CNTN1: variants seen among roughly 807,000 people sequenced by gnomAD.
The protein encoded by CNTN1 is contactin 1.
In CNTN1, 38 loss-of-function variants were observed where a neutral mutation model predicts 126.4. That is an observed-to-expected ratio of 0.30 (90% CI 0.23 to 0.39). CNTN1 has a LOEUF of 0.39. CNTN1 is among the 10% of genes least tolerant of loss of function. CNTN1 has a pLI of 1.00. For missense variants in CNTN1, 1,009 were observed against 1,248.4 expected (o/e 0.81, Z 2.89); for synonymous variants, 413 against 422.6 (o/e 0.98, Z 0.28).
intron 17 of CNTN1, among the ~76,000 whole-genome samples, chr12:41,003,423 C>T (rs1948414360): frequency 6.6e-6 from 1 of 151,852 alleles, no homozygotes; most frequent in Admixed American, 6.6e-5. Flanking sequence ...TGTTGTATTT[C>T]TGCCTGGTTT....
chr12:40,999,975 G>A (rs11179395), intron 17 of CNTN1, among the ~76,000 whole-genome samples: 38,530 of 151,928 alleles, frequency 0.25, 5,332 homozygotes, highest in South Asian at 0.34. Flanking sequence ...CAAAGTGCTA[G>A]ATTACAGATG....
At chr12:40,842,414 G>A (rs75682310) in intron 1 of CNTN1, among the ~76,000 whole-genome samples, 3,152 of 152,018 alleles carry the variant, frequency 0.021, 108 homozygotes, top group African/African-American at 0.072. Context: ...TTCCCAACAC[G>A]AAAGAAAACA....
intron 23 of CNTN1, among the ~76,000 whole-genome samples, chr12:41,063,084 A>G (rs1403882717): frequency 6.6e-6 from 1 of 152,244 alleles, no homozygotes; most frequent in Admixed American, 6.5e-5. Flanking sequence ...GTACAAATAA[A>G]TAAGATAAAA....
chr12:40,949,692 A>C (rs1196115429), intron 14 of CNTN1, among the ~76,000 whole-genome samples: 3 of 144,034 alleles, frequency 2.1e-5, no homozygotes, highest in Non-Finnish European at 4.5e-5. Flanking sequence ...CTCTGGCCTC[A>C]GCCTCCCAAG....
intron 1 of CNTN1, among the ~76,000 whole-genome samples, chr12:40,713,320 T>C (rs1190692266): frequency 6.6e-6 from 1 of 151,706 alleles, no homozygotes; most frequent in Non-Finnish European, 1.5e-5. Flanking sequence ...ATATAGTTCA[T>C]GGGAATAGTT....
At chr12:40,842,291 T>C (rs1444563060) in intron 1 of CNTN1, among the ~76,000 whole-genome samples, 1 of 152,108 alleles carries the variant, frequency 6.6e-6, no homozygotes, top group African/African-American at 2.4e-5. Context: ...AAATATGTAT[T>C]GTTAATAGCA....
intron 1 of CNTN1, among the ~76,000 whole-genome samples, chr12:40,889,904 A>G (rs34483042): frequency 0.033 from 5,079 of 152,242 alleles, 115 homozygotes; most frequent in Middle Eastern, 0.12. Context: ...AGTTACCTAC[A>G]CGTAATTTTG....
At chr12:40,838,212 G>T (rs1480959730) in intron 1 of CNTN1, among the ~76,000 whole-genome samples, 1 of 152,268 alleles carries the variant, frequency 6.6e-6, no homozygotes. Context: ...GCATCCTGAA[G>T]TTGGCTCTAA....
intron 1 of CNTN1, among the ~76,000 whole-genome samples, chr12:40,840,489 T>C (rs1249068633): frequency 2.6e-5 from 4 of 152,046 alleles, no homozygotes; most frequent in African/African-American, 9.7e-5. Flanking sequence ...TTAGTCCAAA[T>C]GGACATAATA....
intron 1 of CNTN1, among the ~76,000 whole-genome samples, chr12:40,897,790 A>T (rs1944463594): frequency 6.6e-6 from 1 of 152,118 alleles, no homozygotes; most frequent in Non-Finnish European, 1.5e-5. Flanking sequence ...TGGTAATGAA[A>T]CCTTTAAAAG....
chr12:41,010,597 T>G (rs1244767902), intron 17 of CNTN1, among the ~76,000 whole-genome samples: 1 of 152,176 alleles, frequency 6.6e-6, no homozygotes, highest in Non-Finnish European at 1.5e-5. Flanking sequence ...GTATTTTCCT[T>G]CTAATATTGG....
At chr12:40,779,583 AAAGC>A (rs1939713504) in intron 1 of CNTN1, among the ~76,000 whole-genome samples, 1 of 151,922 alleles carries the variant, frequency 6.6e-6, no homozygotes, top group African/African-American at 2.4e-5. Flanking sequence ...ACAGCCTCCA[AAAGC>A]ATTGCTGTCA....
intron 1 of CNTN1, among the ~76,000 whole-genome samples, chr12:40,854,169 C>G (rs896258376): frequency 6.6e-6 from 1 of 151,646 alleles, no homozygotes; most frequent in Non-Finnish European, 1.5e-5. Context: ...AGGAAGTTTA[C>G]AGTCTAGTGG....
chr12:40,802,992 T>C (rs1940712848), intron 1 of CNTN1, among the ~76,000 whole-genome samples: 1 of 152,006 alleles, frequency 6.6e-6, no homozygotes, highest in African/African-American at 2.4e-5. Flanking sequence ...CCTGTCAAAA[T>C]TGTTTGGAGA....
intron 1 of CNTN1, among the ~76,000 whole-genome samples, chr12:40,721,047 T>C (rs1301437792): frequency 2.6e-5 from 4 of 151,846 alleles, no homozygotes; most frequent in African/African-American, 7.3e-5. Flanking sequence ...CAGCTATGAA[T>C]GTGTAAAATA....
intron 1 of CNTN1, among the ~76,000 whole-genome samples, chr12:40,842,872 G>C (rs1386838080): frequency 6.6e-6 from 1 of 152,114 alleles, no homozygotes; most frequent in African/African-American, 2.4e-5. Context: ...TCCAATGTAA[G>C]ATGAATTCTG....
At chr12:40,892,933 G>A (rs1203122312) in intron 1 of CNTN1, among the ~76,000 whole-genome samples, 1 of 129,212 alleles carries the variant, frequency 7.7e-6, no homozygotes, top group Non-Finnish European at 1.6e-5. Flanking sequence ...CAAAACAAAT[G>A]GAACTCAAGA....
intron 23 of CNTN1, among the ~76,000 whole-genome samples, chr12:41,059,278 A>G (rs1014726276): frequency 6.6e-6 from 1 of 152,184 alleles, no homozygotes; most frequent in Admixed American, 6.5e-5. Flanking sequence ...AAAGCCAAAG[A>G]TGACTGAAGA....
rs953497769 is a variant in CNTN1 at position 41,046,131 on chromosome 12, A to G, written c.2980+16912A>G. Among the ~76,000 whole-genome samples, 5 of 152,262 alleles carry G rather than the reference A, an allele frequency of 3.3e-5. No homozygotes were observed. In the East Asian group the frequency reaches 5.8e-4, roughly 18 times the overall value. ...AACATCCATGTAGATGATTCATCCA[A>G]TGCCATAGCTTCTTAATTTATCTAA... On this transcript the variant is annotated intron_variant, in intron 23 of 23. Coordinates refer to ENST00000551295, the MANE Select transcript of CNTN1 (RefSeq NM_001843.4).
Sources: allele counts gnomAD v4.1 joint callset (sites outside exome capture counted in the v4.1 genomes callset), GRCh38; gene constraint gnomAD v4.1.1; transcripts MANE v1.5; gene names NCBI Gene and HGNC (gene_info 2026-07-23, HGNC 2026-07-21).